The following DNAJC13 variants were observed in gnomAD, a reference collection of about 807,000 sequenced individuals.
DNAJC13 encodes DnaJ heat shock protein family (Hsp40) member C13.
In DNAJC13, 75 loss-of-function variants were observed where a neutral mutation model predicts 290.5. That is an observed-to-expected ratio of 0.26 (90% CI 0.21 to 0.31). The LOEUF is 0.31. Ranked by LOEUF, DNAJC13 falls within the 10% of genes least tolerant of loss-of-function variation. DNAJC13 has a pLI of 1.00. For synonymous variants in DNAJC13, 862 were observed against 892.0 expected, an observed-to-expected ratio of 0.97 and a Z score of 0.60; for missense variants, 2,260 against 2,674.5, an observed-to-expected ratio of 0.85 and a Z score of 3.42.
At chr3:132,504,158 T>C (rs1470082257) in intron 41 of DNAJC13, among the ~76,000 whole-genome samples, 1 of 152,156 alleles carries the variant, frequency 6.6e-6, no homozygotes, top group Non-Finnish European at 1.5e-5. Flanking sequence ...CTGTGACTTT[T>C]GTAAGTGAAA....
At chr3:132,501,988 C>A (rs1349660005) in intron 39 of DNAJC13, among the ~76,000 whole-genome samples, 1 of 152,156 alleles carries the variant, frequency 6.6e-6, no homozygotes, top group Admixed American at 6.5e-5. Flanking sequence ...GCTATTGATG[C>A]CATGTCACTA....
At chr3:132,511,390 A>G (rs367756950) in intron 44 of DNAJC13, 146 bp downstream of exon 44, 2 of 981,738 alleles carry the variant, frequency 2.0e-6, no homozygotes, top group African/African-American at 3.3e-5. Context: ...TGACCCTGTA[A>G]TAGTTTTACA....
chr3:132,487,853 G>A (rs1934932154), intron 29 of DNAJC13, among the ~76,000 whole-genome samples: 1 of 152,070 alleles, frequency 6.6e-6, no homozygotes, highest in East Asian at 1.9e-4. Flanking sequence ...TTACCCTCTT[G>A]CCTGTTACCT....
At chr3:132,433,442 GTTAACTTTTATTTTTTGAGAGAGAAC>G (rs1939292704) in intron 1 of DNAJC13, among the ~76,000 whole-genome samples, 1 of 151,906 alleles carries the variant, frequency 6.6e-6, no homozygotes, top group Non-Finnish European at 1.5e-5. Context: ...ACCATGCCCT[GTTAACTTTTATTTTTTGAGAGAGAAC>G]GTCTCACTAT....
chr3:132,457,409 T>C, intron 13 of DNAJC13, 41 bp downstream of exon 13: 1 of 1,512,730 alleles, frequency 6.6e-7, no homozygotes. Context: ...TTTTCTTAAG[T>C]TGACTGGTGG....
chr3:132,474,907 A>ATT (rs1934418476), intron 21 of DNAJC13, 25 bp from the exon 22 acceptor site: 1 of 1,294,230 alleles, frequency 7.7e-7, no homozygotes, highest in Admixed American at 2.6e-5. Flanking sequence ...GCATCCTGCT[A>ATT]TTTCCTCATT....
At chr3:132,535,219 G>A (rs1206499350) in intron 55 of DNAJC13, among the ~76,000 whole-genome samples, 2 of 152,134 alleles carry the variant, frequency 1.3e-5, no homozygotes, top group African/African-American at 2.4e-5. Context: ...CCAAAACTAC[G>A]TTTTCTTCTC....
At chr3:132,503,506 A>G in intron 41 of DNAJC13, 125 bp downstream of exon 41, 1 of 1,170,036 alleles carries the variant, frequency 8.5e-7, no homozygotes, top group Non-Finnish European at 1.2e-6. Context: ...TTGTTCTCTC[A>G]AGCAAGAAAT....
chr3:132,451,203 TATA>T (rs1933404680), intron 6 of DNAJC13, among the ~76,000 whole-genome samples: 1 of 152,140 alleles, frequency 6.6e-6, no homozygotes. Flanking sequence ...AGCTCACACC[TATA>T]ATCCCAGCAC....
At chr3:132,523,767 G>A in intron 51 of DNAJC13, 54 bp downstream of exon 51, 1 of 1,534,982 alleles carries the variant, frequency 6.5e-7, no homozygotes. Flanking sequence ...CTAGACTGAT[G>A]GTGTTTCTCT....
chr3:132,434,621 A>G lies in DNAJC13; in HGVS notation c.68+3A>G, dbSNP rs781468753. 45 of 1,600,366 alleles carry G rather than the reference A, an allele frequency of 2.8e-5. No individual in the cohort carries two copies. Among genetic ancestry groups the G allele is most frequent in the Admixed American group, 2.5e-4 (14 of 56,256 alleles). ...ACAAAACATTCATGGAGGGGGAAGT[A>G]AGTATTCTTGTTGGGTTTTTTTTTC... On this transcript the variant is annotated splice_donor_region_variant and intron_variant, in intron 2 of 55. Coordinates refer to ENST00000260818, the MANE Select transcript of DNAJC13 (RefSeq NM_015268.4).
At chr3:132,499,402 T>G in intron 37 of DNAJC13, 92 bp downstream of exon 37, 1 of 1,096,758 alleles carries the variant, frequency 9.1e-7, no homozygotes, top group Non-Finnish European at 1.3e-6. Flanking sequence ...CAAATGCAGA[T>G]TCTTTAATTT....
At chr3:132,506,171 G>A (rs1935581728) in intron 42 of DNAJC13, among the ~76,000 whole-genome samples, 1 of 145,832 alleles carries the variant, frequency 6.9e-6, no homozygotes, top group Non-Finnish European at 1.5e-5. Flanking sequence ...TCCTGCCTCA[G>A]CTTCTCGAGT....
Position 132,522,854 on chromosome 3 carries a change from A to G in DNAJC13, c.5700A>G (p.Leu1900=). Residue 1900 remains leucine (L), a synonymous_variant, in exon 49 of 56, where the codon CTA becomes CTG. Coordinates refer to ENST00000260818, the MANE Select transcript of DNAJC13 (RefSeq NM_015268.4). The part of the protein sequence containing the change: ...PKVRITLMKF[L]PSVFMDAMRD... ...TTCGAATTACGTTAATGAAATTTCTACCAAGCGTTTTCATGGATGCTATGA... is the reference window on the plus strand; with the variant it reads ...TTCGAATTACGTTAATGAAATTTCTGCCAAGCGTTTTCATGGATGCTATGA... 1.2e-6 allele frequency: 2 copies of G among 1,608,636 alleles called. No homozygotes were observed. The highest frequency in any genetic ancestry group is 8.5e-7 in the Non-Finnish European group (1 of 1,178,578).
At chr3:132,530,292 C>A (rs1036311498) in intron 54 of DNAJC13, among the ~76,000 whole-genome samples, 12 of 152,132 alleles carry the variant, frequency 7.9e-5, no homozygotes, top group African/African-American at 2.7e-4. Flanking sequence ...TTCACTGTGC[C>A]TACCACATAA....
At chr3:132,471,638 T>C (rs1199933356) in intron 20 of DNAJC13, among the ~76,000 whole-genome samples, 1 of 128,850 alleles carries the variant, frequency 7.8e-6, no homozygotes, top group Admixed American at 7.7e-5. Context: ...TCCCCACATC[T>C]CAGACGATGG....
At chr3:132,482,978 A>G (rs150260195) in intron 27 of DNAJC13, among the ~76,000 whole-genome samples, 4 of 152,284 alleles carry the variant, frequency 2.6e-5, no homozygotes, top group African/African-American at 7.2e-5. Context: ...TATTCAGTCC[A>G]AGAGCTAAGG....
Position 132,538,250 on chromosome 3 carries a change from C to T in DNAJC13, c.6700C>T (p.His2234Tyr), listed in dbSNP as rs1936657872. ...GTCTAACCTGCCACCTCCTGTAGAC[C>T]ATGAGGCAGGCGACCTTGGCTATCA... The part of the protein sequence containing the change: ...VMSNLPPPVD[H>Y]EAGDLGYQT The change falls in exon 56 of 56, where the codon CAT (histidine) becomes TAT (tyrosine). Residue 2234 changes from histidine (H) to tyrosine (Y), a missense_variant. By Grantham distance (83) the His-to-Tyr change is moderately conservative. This residue lies in a region of DNAJC13 where 1,494 missense variants were observed against 1,693.7 expected (regional missense o/e 0.88). Coordinates refer to ENST00000260818, the MANE Select transcript of DNAJC13 (RefSeq NM_015268.4). 1 of 1,613,748 alleles carries T rather than the reference C, an allele frequency of 6.2e-7. No individual in the cohort carries two copies. Among genetic ancestry groups the T allele is most frequent in the African/African-American group, 1.3e-5 (1 of 74,918 alleles).
intron 20 of DNAJC13, among the ~76,000 whole-genome samples, chr3:132,471,109 T>TG (rs1337258362): frequency 1.9e-3 from 114 of 59,546 alleles, no homozygotes; most frequent in East Asian, 6.2e-3. Flanking sequence ...GCTGGCCGGG[T>TG]GGGGGGGCTG....
Sources: allele counts gnomAD v4.1 joint callset (sites outside exome capture counted in the v4.1 genomes callset), GRCh38; gene constraint gnomAD v4.1.1; regional missense constraint gnomAD v4.1.1; transcripts MANE v1.5; gene names NCBI Gene and HGNC (gene_info 2026-07-23, HGNC 2026-07-21).